DACH2: variants seen among roughly 807,000 people sequenced by gnomAD.
The protein encoded by DACH2 is dachshund homolog 2.
In DACH2, 17 loss-of-function variants were observed where a neutral mutation model predicts 35.8. The ratio of observed to expected loss-of-function variants is 0.48; its 90% confidence interval spans 0.33 to 0.71. DACH2 has a LOEUF of 0.71. Among genes scored for constraint, DACH2 ranks in the 30% least tolerant of loss-of-function variants. The pLI, the probability that DACH2 is intolerant of heterozygous loss-of-function variation, is 0.02. For synonymous variants in DACH2, 195 were observed against 177.3 expected (o/e 1.10, Z -0.79); for missense variants, 469 against 472.7 (o/e 0.99, Z 0.07).
chrX:86,628,261 A>C (rs2040160046), intron 3 of DACH2, among the ~76,000 whole-genome samples: 1 of 112,434 alleles, frequency 8.9e-6, no homozygotes, highest in Non-Finnish European at 1.9e-5. Context: ...ATAAATGATT[A>C]GTTCATTTTG....
intron 1 of DACH2, among the ~76,000 whole-genome samples, chrX:86,323,990 T>G (rs955024634): frequency 8.1e-5 from 9 of 111,740 alleles, no homozygotes; most frequent in Non-Finnish European, 1.7e-4. Context: ...TTACGCACTT[T>G]TCTGATGAAT....
chrX:86,531,537 G>A (rs971068106), intron 3 of DACH2, among the ~76,000 whole-genome samples: 4 of 112,243 alleles, frequency 3.6e-5, no homozygotes, highest in Non-Finnish European at 7.5e-5. Context: ...CCAAGCATTG[G>A]CAGCTTCCAC....
chrX:86,385,741 C>T (rs1217118475), intron 2 of DACH2, among the ~76,000 whole-genome samples: 2 of 111,046 alleles, frequency 1.8e-5, no homozygotes, highest in Non-Finnish European at 3.8e-5. Flanking sequence ...TTATGAATGT[C>T]CAGCTCTCTG....
chrX:86,544,750 C>T (rs2038934528), intron 3 of DACH2, among the ~76,000 whole-genome samples: 1 of 111,545 alleles, frequency 9.0e-6, no homozygotes, highest in African/African-American at 3.3e-5. Context: ...TGCATAATAC[C>T]CAGCTAACAA....
Position 86,423,023 on chromosome X carries a change from G to A in DACH2, c.527+46161G>A, listed in dbSNP as rs575298100. ...ATCTCATTCTTTTTATGGCTGAAAA[G>A]TACTGCATTGTGCATATGTACCACA... On this transcript the variant is annotated intron_variant, in intron 2 of 11. Transcript: ENST00000373125. Among the ~76,000 whole-genome samples, 409 of 111,603 alleles carry A rather than the reference G, an allele frequency of 3.7e-3. 2 individuals carry two copies. Among genetic ancestry groups the A allele is most frequent in the Non-Finnish European group, 6.0e-3 (315 of 52,809 alleles).
intron 5 of DACH2, among the ~76,000 whole-genome samples, chrX:86,698,514 GTTTTGTGT>G (rs2041094400): frequency 2.9e-5 from 1 of 34,343 alleles, no homozygotes; most frequent in Admixed American, 5.7e-4. Flanking sequence ...TGTTTTGTTA[GTTTTGTGT>G]TTTTTTTTTT....
intron 11 of DACH2, among the ~76,000 whole-genome samples, chrX:86,819,993 A>G (rs1419831976): frequency 8.9e-6 from 1 of 112,045 alleles, no homozygotes; most frequent in Non-Finnish European, 1.9e-5. Flanking sequence ...AAATGAAGTT[A>G]ACATCTTAAT....
At chrX:86,620,053 A>G (rs1245440910) in intron 3 of DACH2, among the ~76,000 whole-genome samples, 1 of 112,270 alleles carries the variant, frequency 8.9e-6, no homozygotes, top group Non-Finnish European at 1.9e-5. Flanking sequence ...AAACCTAGCC[A>G]TGACTGTTTG....
At chrX:86,167,331 A>G (rs991006443) in intron 1 of DACH2, among the ~76,000 whole-genome samples, 1 of 110,972 alleles carries the variant, frequency 9.0e-6, no homozygotes, top group African/African-American at 3.3e-5. Flanking sequence ...AGATTTTCCA[A>G]TTTATTGCCA....
intron 7 of DACH2, among the ~76,000 whole-genome samples, chrX:86,744,765 A>C (rs1426986810): frequency 8.9e-6 from 1 of 111,882 alleles, no homozygotes; most frequent in Non-Finnish European, 1.9e-5. Flanking sequence ...TAAACTGATC[A>C]GTCAAATAAA....
intron 3 of DACH2, among the ~76,000 whole-genome samples, chrX:86,523,406 C>A (rs1411474407): frequency 9.0e-6 from 1 of 111,464 alleles, no homozygotes; most frequent in Non-Finnish European, 1.9e-5. Flanking sequence ...CTAGGACATT[C>A]TCAGTTTAAA....
At chrX:86,532,771 C>T (rs982543806) in intron 3 of DACH2, among the ~76,000 whole-genome samples, 1 of 111,042 alleles carries the variant, frequency 9.0e-6, no homozygotes, top group African/African-American at 3.3e-5. Context: ...ATAATAAGCT[C>T]ATTCCTTTCT....
intron 7 of DACH2, among the ~76,000 whole-genome samples, chrX:86,790,307 A>C (rs1024483396): frequency 8.9e-6 from 1 of 112,328 alleles, no homozygotes; most frequent in Non-Finnish European, 1.9e-5. Flanking sequence ...GTATACAGCT[A>C]TGGCTAGTCT....
intron 1 of DACH2, among the ~76,000 whole-genome samples, chrX:86,340,706 C>T (rs2035398442): frequency 8.9e-6 from 1 of 111,806 alleles, no homozygotes; most frequent in Non-Finnish European, 1.9e-5. Flanking sequence ...AAACAGTTTG[C>T]CAGGTCATGA....
At chrX:86,667,414 AAAAG>A (rs1397787361) in intron 4 of DACH2, among the ~76,000 whole-genome samples, 9 of 95,269 alleles carry the variant, frequency 9.4e-5, no homozygotes, top group African/African-American at 3.3e-4. Flanking sequence ...AGAAGAGAAA[AAAAG>A]AAAGAAGAAA....
At chrX:86,801,698 G>C (rs1160185863) in intron 7 of DACH2, among the ~76,000 whole-genome samples, 1 of 111,871 alleles carries the variant, frequency 8.9e-6, no homozygotes, top group African/African-American at 3.2e-5. Flanking sequence ...TATACAGACT[G>C]TTTTCCCAAG....
chrX:86,679,965 G>A (rs941207099), intron 4 of DACH2, among the ~76,000 whole-genome samples: 1 of 111,088 alleles, frequency 9.0e-6, no homozygotes, highest in Non-Finnish European at 1.9e-5. Flanking sequence ...TAGTCTATTA[G>A]TGATTCACAA....
At chrX:86,698,526 T>TTTTTG (rs1354775685) in intron 5 of DACH2, among the ~76,000 whole-genome samples, 3 of 54,702 alleles carry the variant, frequency 5.5e-5, no homozygotes, top group Non-Finnish European at 1.0e-4. Context: ...TTTGTGTTTT[T>TTTTTG]TTTTTTTTTT....
At chrX:86,750,762 G>A (rs748261453) in intron 7 of DACH2, among the ~76,000 whole-genome samples, 5 of 111,753 alleles carry the variant, frequency 4.5e-5, no homozygotes, top group African/African-American at 1.3e-4. Flanking sequence ...GTCACATATG[G>A]CAAGACTTCT....
Sources: allele counts gnomAD v4.1 joint callset (sites outside exome capture counted in the v4.1 genomes callset), GRCh38; gene constraint gnomAD v4.1.1; transcripts MANE v1.5; gene names NCBI Gene and HGNC (gene_info 2026-07-23, HGNC 2026-07-21).